The following RCBTB2 variants were observed in gnomAD, a reference collection of about 807,000 sequenced individuals.
The protein encoded by RCBTB2 is RCC1 and BTB domain containing protein 2, also known as RCC1 and BTB domain-containing protein 2.
Under a neutral mutation model 65.4 loss-of-function variants are expected in RCBTB2, and 55 were observed. The ratio of observed to expected loss-of-function variants is 0.84; its 90% CI spans 0.68 to 1.05. RCBTB2 has a LOEUF of 1.05. RCBTB2 is among the 50% of genes least tolerant of loss of function. RCBTB2 has a pLI of 0.00. For missense variants in RCBTB2, 599 were observed against 680.1 expected (o/e 0.88, Z 1.33); for synonymous variants, 220 against 255.2 (o/e 0.86, Z 1.31).
At chr13:48,516,339 TAAC>T (rs1383298974) in intron 4 of RCBTB2, among the ~76,000 whole-genome samples, 1 of 152,194 alleles carries the variant, frequency 6.6e-6, no homozygotes, top group East Asian at 1.9e-4. Flanking sequence ...AAGGCAGCCG[TAAC>T]AAAGTAGTGA....
chr13:48,524,111 GCTT>G (rs1425834726), intron 2 of RCBTB2, among the ~76,000 whole-genome samples: 1 of 151,546 alleles, frequency 6.6e-6, no homozygotes, highest in African/African-American at 2.4e-5. Context: ...GAGATGGTTG[GCTT>G]TTTTTTTTAC....
chr13:48,498,678 G>A (rs1413725812), intron 13 of RCBTB2, among the ~76,000 whole-genome samples: 4 of 152,118 alleles, frequency 2.6e-5, no homozygotes, highest in Middle Eastern at 3.4e-3. Flanking sequence ...TGTGGTGAGC[G>A]GAGATCGTGC....
chr13:48,511,202 C>T (rs1297149476), intron 9 of RCBTB2, among the ~76,000 whole-genome samples: 2 of 151,932 alleles, frequency 1.3e-5, no homozygotes, highest in East Asian at 3.9e-4. Context: ...GTACCTATAG[C>T]ATTTTTTTAC....
rs1381766612 is a variant in RCBTB2, at chr13:48,495,570, T to C, written c.1515+621A>G. 3.9e-5 allele frequency among the ~76,000 whole-genome samples: 6 copies of C among 152,238 alleles called. No homozygotes were observed. The East Asian group carries it at 1.2e-3, about 29-fold the overall frequency. On this transcript the variant is annotated intron_variant, in intron 14 of 14. Coordinates refer to ENST00000344532, the MANE Select transcript of RCBTB2 (RefSeq NM_001268.4). ...AGTCTTTGTGCAAATCCATGATTAA[T>C]TCCTCAAGATAAATACTTGTGAGTG...
In RCBTB2 at chr13:48,499,663, G is replaced by A. The variant is rs1370940967; in HGVS notation, c.1342C>T (p.Leu448=). 6.2e-7 allele frequency: 1 copy of A among 1,614,042 alleles called. No homozygotes were observed. Among genetic ancestry groups the A allele is most frequent in the Non-Finnish European group, 8.5e-7 (1 of 1,180,024 alleles). ...GAAAGGCTGATGCTGTCTGTGTATAGGTATTCCAGGAAGGCCCGGTAAACA... is the reference window on the plus strand; with the variant it reads ...GAAAGGCTGATGCTGTCTGTGTATAAGTATTCCAGGAAGGCCCGGTAAACA... The part of the protein sequence containing the change: ...YPVYRAFLEY[L]YTDSISLSPE... The change falls in exon 13 of 15, where the codon CTA becomes TTA. Residue 448 remains leucine, a synonymous_variant. Transcript: ENST00000344532.
At chr13:48,529,733 T>C (rs999984043) in intron 1 of RCBTB2, among the ~76,000 whole-genome samples, 16 of 152,294 alleles carry the variant, frequency 1.1e-4, no homozygotes, top group Admixed American at 9.2e-4. Flanking sequence ...ATTATCAATA[T>C]CCCTTACCAG....
chr13:48,525,373 G>GAT (rs59350616), intron 1 of RCBTB2, among the ~76,000 whole-genome samples: 270 of 54,482 alleles, frequency 5.0e-3, no homozygotes, highest in East Asian at 0.014. Context: ...AAGGATTCAT[G>GAT]ATATATATAT....
chr13:48,510,536 C>T, intron 10 of RCBTB2, 93 bp downstream of exon 10: 1 of 1,322,486 alleles, frequency 7.6e-7, no homozygotes, highest in Non-Finnish European at 1.0e-6. Context: ...CTAACACTAG[C>T]AGTACATTCC....
At chr13:48,500,838 T>C (rs1336110657) in intron 12 of RCBTB2, among the ~76,000 whole-genome samples, 1 of 152,144 alleles carries the variant, frequency 6.6e-6, no homozygotes, top group East Asian at 1.9e-4. Context: ...TCCACCCCCC[T>C]TCTTTCATGC....
chr13:48,530,473 C>T (rs557275890), intron 1 of RCBTB2, among the ~76,000 whole-genome samples: 18 of 152,332 alleles, frequency 1.2e-4, no homozygotes, highest in African/African-American at 4.3e-4. Context: ...TTTCTCTAAG[C>T]CTTCTTTAAT....
chr13:48,491,330 TAGGAAA>T (rs1341803320), intron 14 of RCBTB2, among the ~76,000 whole-genome samples: 1 of 152,104 alleles, frequency 6.6e-6, no homozygotes, highest in Admixed American at 6.5e-5. Flanking sequence ...GAAACTATAC[TAGGAAA>T]ATGTTTATTT....
intron 1 of RCBTB2, among the ~76,000 whole-genome samples, chr13:48,527,361 T>TATCATATATATATCATATA: frequency 1.8e-5 from 2 of 112,446 alleles, no homozygotes; most frequent in South Asian, 5.0e-4. Flanking sequence ...TGATATATAT[T>TATCATATATATATCATATA]TATATATGAT....
At chr13:48,502,504 G>GAA (rs200728191) in intron 11 of RCBTB2, among the ~76,000 whole-genome samples, 1 of 141,762 alleles carries the variant, frequency 7.1e-6, no homozygotes. Flanking sequence ...CTCTCTTAAA[G>GAA]AAAAAAAAAA....
In RCBTB2 at chr13:48,501,766, G is replaced by C; in HGVS notation, c.1220C>G (p.Ala407Gly). The change falls in exon 12 of 15, where the codon GCA becomes GGA. Residue 407 changes from alanine to glycine, a missense_variant. Physicochemically the swap from Ala to Gly is moderately conservative, Grantham distance 60. Coordinates refer to ENST00000344532, the MANE Select transcript of RCBTB2 (RefSeq NM_001268.4). ...KFLVDGKYIY[A>G]HKVLLKIRCE... ...CCGAATCTTGAGAAGGACTTTATGT[G>C]CATAAATGTACTTTCCATCAACTAG... is the stretch of plus-strand genomic sequence containing the variant. 6.2e-7 allele frequency: 1 copy of C among 1,612,114 alleles called. No individual in the cohort carries two copies. The highest frequency in any genetic ancestry group is 8.5e-7 in the Non-Finnish European group (1 of 1,178,332).
intron 14 of RCBTB2, among the ~76,000 whole-genome samples, chr13:48,494,718 A>C (rs1311618455): frequency 6.6e-6 from 1 of 152,218 alleles, no homozygotes; most frequent in Non-Finnish European, 1.5e-5. Context: ...ACCGTGGCTC[A>C]TCACTGTGAT....
chr13:48,535,224 T>A (rs1246455724), upstream of RCBTB2, among the ~76,000 whole-genome samples: 2 of 152,010 alleles, frequency 1.3e-5, no homozygotes, highest in African/African-American at 4.8e-5. Flanking sequence ...TTATACTAAC[T>A]GTATCCTCAT....
At chr13:48,521,110 CTGT>C (rs1873524122) in intron 4 of RCBTB2, among the ~76,000 whole-genome samples, 1 of 152,164 alleles carries the variant, frequency 6.6e-6, no homozygotes. Flanking sequence ...AGGAATTTTT[CTGT>C]TAACATTTTT....
At chr13:48,491,998 G>A (rs1949719462) in intron 14 of RCBTB2, among the ~76,000 whole-genome samples, 10 of 152,094 alleles carry the variant, frequency 6.6e-5, no homozygotes, top group Admixed American at 6.5e-4. Context: ...CACTCTGTAT[G>A]GCTTCATGTT....
Position 48,499,168 on chromosome 13 carries a change from T to TCA in RCBTB2, c.1384+451_1384+452dup, listed in dbSNP as rs897430573. On this transcript the variant is annotated intron_variant, in intron 13 of 14. Coordinates refer to ENST00000344532, the MANE Select transcript of RCBTB2 (RefSeq NM_001268.4). ...CTCTCTCTCTCTCTCTCTCTCTCTC[T>TCA]CACACACACACACACATCCATTCTT... Among the ~76,000 whole-genome samples, 249 of 138,004 alleles carry TCA rather than the reference T, an allele frequency of 1.8e-3. 1 individual carries two copies. The highest frequency in any genetic ancestry group is 5.5e-3 in the African/African-American group (205 of 37,578). 90.5% of individuals were successfully genotyped at this position (138,004 alleles called of 152,430 possible). A position where few individuals can be genotyped will look rare whatever the true frequency, so the allele number is the denominator to read the frequency against.
Sources: gnomAD v4.1 joint callset for allele counts (sites outside exome capture counted in the v4.1 genomes callset) on GRCh38, gnomAD v4.1.1 for gene constraint, MANE v1.5 for transcripts, NCBI Gene and HGNC (gene_info 2026-07-23, HGNC 2026-07-21) for gene names.